Variants in PXDNL observed in about 807,000 individuals in gnomAD.
PXDNL encodes the protein probable oxidoreductase PXDNL.
Under a neutral mutation model 150.8 loss-of-function variants are expected in PXDNL, and 145 were observed. The ratio of observed to expected loss-of-function variants is 0.96; its 90% CI spans 0.84 to 1.10. The LOEUF is 1.10. Ranked by LOEUF, PXDNL falls within the 50% of genes least tolerant of loss-of-function variation. PXDNL has a pLI of 0.00. For synonymous variants in PXDNL, 757 were observed against 725.7 expected (o/e 1.04, Z -0.69); for missense variants, 2,087 against 1,873.9 (o/e 1.11, Z -2.10).
At chr8:51,679,178 T>G (rs1318526955) in intron 1 of PXDNL, among the ~76,000 whole-genome samples, 1 of 152,236 alleles carries the variant, frequency 6.6e-6, no homozygotes, top group Non-Finnish European at 1.5e-5. Flanking sequence ...GTTGAAAATT[T>G]GTTTTAGGCT....
chr8:51,446,854 T>A, intron 12 of PXDNL, 150 bp downstream of exon 12: 1 of 472,312 alleles, frequency 2.1e-6, no homozygotes, highest in South Asian at 6.7e-5. Flanking sequence ...AAAGACTGAT[T>A]GGAAGAAGAT....
intron 8 of PXDNL, among the ~76,000 whole-genome samples, chr8:51,458,404 A>G (rs1255147278): frequency 6.6e-6 from 1 of 151,024 alleles, no homozygotes; most frequent in Non-Finnish European, 1.5e-5. Context: ...AAATGTTTAC[A>G]GATTTTTTTT....
At chr8:51,389,372 T>G (rs1807822924) in intron 17 of PXDNL, among the ~76,000 whole-genome samples, 1 of 152,188 alleles carries the variant, frequency 6.6e-6, no homozygotes, top group African/African-American at 2.4e-5. Context: ...TTTTCCTGTT[T>G]CATTTCAGCC....
At chr8:51,420,937 C>G in intron 14 of PXDNL, among the ~76,000 whole-genome samples, 1 of 152,214 alleles carries the variant, frequency 6.6e-6, no homozygotes, top group East Asian at 1.9e-4. Flanking sequence ...ATCTGCCTGC[C>G]TCAGCTTCCC....
chr8:51,535,191 C>G (rs1812040222), intron 4 of PXDNL, among the ~76,000 whole-genome samples: 1 of 138,368 alleles, frequency 7.2e-6, no homozygotes, highest in South Asian at 2.2e-4. Context: ...GCCTCTCTGC[C>G]CGGCCAGGAC....
At chr8:51,516,883 T>C (rs1380527346) in intron 4 of PXDNL, among the ~76,000 whole-genome samples, 3 of 152,200 alleles carry the variant, frequency 2.0e-5, no homozygotes, top group Non-Finnish European at 4.4e-5. Context: ...CAAAGCCTGA[T>C]AAATAAAAGA....
At chr8:51,486,794 A>C (rs10109968) in intron 5 of PXDNL, among the ~76,000 whole-genome samples, 1 of 24,714 alleles carries the variant, frequency 4.0e-5, no homozygotes, top group African/African-American at 1.8e-4. Flanking sequence ...ATATATATAT[A>C]TTTTTTTTTT....
chr8:51,725,561 G>A (rs749945795), intron 1 of PXDNL, among the ~76,000 whole-genome samples: 2 of 152,034 alleles, frequency 1.3e-5, no homozygotes, highest in Non-Finnish European at 1.5e-5. Flanking sequence ...TTTCCTTCCC[G>A]GGAGCGTTGT....
chr8:51,333,587 T>C (rs902308480), intron 21 of PXDNL, among the ~76,000 whole-genome samples: 5 of 152,130 alleles, frequency 3.3e-5, no homozygotes, highest in Non-Finnish European at 5.9e-5. Flanking sequence ...ACCAACTATC[T>C]GCTGCCTTCA....
intron 2 of PXDNL, among the ~76,000 whole-genome samples, chr8:51,606,458 C>G (rs1285095588): frequency 1.3e-5 from 2 of 152,128 alleles, no homozygotes; most frequent in Non-Finnish European, 2.9e-5. Context: ...AGGCAAAATA[C>G]AATTAACCTT....
At chr8:51,476,672 T>C (rs1810485953) in intron 6 of PXDNL, among the ~76,000 whole-genome samples, 1 of 152,212 alleles carries the variant, frequency 6.6e-6, no homozygotes, top group Admixed American at 6.5e-5. Context: ...TTAATACTTT[T>C]TTTCATTTCT....
chr8:51,428,971 A>AAATTCAACAGTATATAGTTCAGTTATAT (rs61524441), intron 12 of PXDNL, among the ~76,000 whole-genome samples: 2 of 150,942 alleles, frequency 1.3e-5, no homozygotes, highest in Admixed American at 6.6e-5. Context: ...AAAATATATA[A>AAATTCAACAGTATATAGTTCAGTTATAT]AGAACCCAAA....
chr8:51,645,839 T>C (rs1216213032), intron 2 of PXDNL, among the ~76,000 whole-genome samples: 1 of 152,076 alleles, frequency 6.6e-6, no homozygotes, highest in Non-Finnish European at 1.5e-5. Context: ...AAATCGCAGT[T>C]CAAAGTCATA....
intron 12 of PXDNL, among the ~76,000 whole-genome samples, chr8:51,428,043 T>C (rs1044618706): frequency 2.0e-5 from 3 of 152,210 alleles, no homozygotes; most frequent in African/African-American, 7.2e-5. Context: ...ACAAATGTAT[T>C]AATATATAGA....
chr8:51,760,922 G>C (rs1299709657), intron 1 of PXDNL, among the ~76,000 whole-genome samples: 1 of 131,634 alleles, frequency 7.6e-6, no homozygotes, highest in Non-Finnish European at 1.5e-5. Context: ...GCAGTGGCGC[G>C]ATCTCAGCTC....
At chr8:51,544,739 A>G (rs1252926272) in intron 4 of PXDNL, among the ~76,000 whole-genome samples, 1 of 152,172 alleles carries the variant, frequency 6.6e-6, no homozygotes, top group Admixed American at 6.5e-5. Context: ...CAAAAAGTGT[A>G]TTTTTATACT....
At chr8:51,360,053 A>G (rs1477741467) in intron 19 of PXDNL, among the ~76,000 whole-genome samples, 1 of 152,094 alleles carries the variant, frequency 6.6e-6, no homozygotes, top group Non-Finnish European at 1.5e-5. Flanking sequence ...AAAAAAAAAA[A>G]AAAAAGCAAT....
chr8:51,744,725 A>C (rs972754872), intron 1 of PXDNL, among the ~76,000 whole-genome samples: 6 of 8,862 alleles, frequency 6.8e-4, no homozygotes, highest in South Asian at 0.05. Flanking sequence ...AAAAGAGAAA[A>C]AGAAAAGAAA....
intron 2 of PXDNL, among the ~76,000 whole-genome samples, chr8:51,637,925 G>GA (rs1280924940): frequency 3.3e-5 from 5 of 152,128 alleles, no homozygotes; most frequent in Non-Finnish European, 7.3e-5. Context: ...TGAAATGAAG[G>GA]AAAAAATGTT....
Sources: allele counts gnomAD v4.1 joint callset (sites outside exome capture counted in the v4.1 genomes callset), GRCh38; gene constraint gnomAD v4.1.1; transcripts MANE v1.5; gene names NCBI Gene and HGNC (gene_info 2026-07-23, HGNC 2026-07-21).